CAB39: variants seen among roughly 807,000 people sequenced by gnomAD.
The protein encoded by CAB39 is calcium-binding protein 39.
In CAB39, 8 loss-of-function variants were observed where a neutral mutation model predicts 40.0. That is an observed-to-expected ratio of 0.20 (90% CI 0.12 to 0.36). The LOEUF is 0.36. Ranked by LOEUF, CAB39 falls within the 10% of genes least tolerant of loss-of-function variation. The pLI is 1.00. For synonymous variants in CAB39, 156 were observed against 141.6 expected, an observed-to-expected ratio of 1.10 and a Z score of -0.72; for missense variants, 270 against 401.1, an observed-to-expected ratio of 0.67 and a Z score of 2.79.
In CAB39 at chr2:230,814,131, T is replaced by G; in HGVS notation, c.693+17T>G. ...TCACTGAAGGTATGACAGACCATTT[T>G]GTATAGCTTATTTCTCTGTACCTTG... On this transcript the variant is annotated intron_variant, in intron 7 of 8. Transcript: ENST00000258418. 7.8e-7 allele frequency: 1 copy of G among 1,286,646 alleles called. No homozygotes were observed. Among genetic ancestry groups the G allele is most frequent in the Non-Finnish European group, 1.1e-6 (1 of 906,418 alleles). 79.7% of individuals were successfully genotyped at this position (1,286,646 alleles called of 1,614,324 possible). A position where few individuals can be genotyped will look rare whatever the true frequency, so the allele number is the denominator to read the frequency against.
intron 2 of CAB39, among the ~76,000 whole-genome samples, chr2:230,775,669 CAGT>C (rs1411245756): frequency 6.6e-6 from 1 of 151,304 alleles, no homozygotes; most frequent in East Asian, 1.9e-4. Flanking sequence ...GATGACTTAA[CAGT>C]GGTGCGCATT....
chr2:230,802,762 A>T (rs1179912941), intron 5 of CAB39, among the ~76,000 whole-genome samples: 8 of 152,252 alleles, frequency 5.3e-5, no homozygotes, highest in African/African-American at 1.9e-4. Flanking sequence ...TGAGGCAATC[A>T]TTAAAAGACT....
intron 3 of CAB39, among the ~76,000 whole-genome samples, chr2:230,791,907 C>T (rs1695898949): frequency 6.6e-6 from 1 of 152,196 alleles, no homozygotes; most frequent in Non-Finnish European, 1.5e-5. Flanking sequence ...GGCCATGCCT[C>T]TTTAACTCTT....
chr2:230,763,578 C>T (rs751483377), intron 2 of CAB39, among the ~76,000 whole-genome samples: 13 of 149,864 alleles, frequency 8.7e-5, no homozygotes, highest in East Asian at 2.0e-4. Context: ...GGGTGACAAG[C>T]GAGATTCTGT....
rs185662621 is a variant in CAB39 at position 230,772,280 on chromosome 2, A to G, written c.114+12165A>G. On this transcript the variant is annotated intron_variant, in intron 2 of 8. Coordinates refer to ENST00000258418, the MANE Select transcript of CAB39 (RefSeq NM_016289.4). ...TCATATATGCATTTCACCAAAGGAG[A>G]TAGGCAGATGTCAAATAAGCCCTTG... Among the ~76,000 whole-genome samples the G allele has an allele frequency of 5.0e-3, 768 of 152,326 alleles. 7 individuals carry two copies. The highest frequency in any genetic ancestry group is 6.7e-3 in the Non-Finnish European group (454 of 68,034).
chr2:230,714,720 A>G (rs1024871576), intron 1 of CAB39, among the ~76,000 whole-genome samples: 1 of 152,224 alleles, frequency 6.6e-6, no homozygotes, highest in Non-Finnish European at 1.5e-5. Context: ...CTTTGTTTTT[A>G]TATTTTATTT....
intron 1 of CAB39, among the ~76,000 whole-genome samples, chr2:230,724,382 T>C (rs897781936): frequency 1.3e-5 from 2 of 152,058 alleles, no homozygotes; most frequent in Admixed American, 1.3e-4. Context: ...TGCTGATACA[T>C]TGTTTAAGAC....
At chr2:230,735,950 G>T (rs1355831191) in intron 1 of CAB39, among the ~76,000 whole-genome samples, 1 of 152,146 alleles carries the variant, frequency 6.6e-6, no homozygotes, top group Admixed American at 6.5e-5. Flanking sequence ...AAAGGAGAAC[G>T]ACACCAACTA....
intron 1 of CAB39, among the ~76,000 whole-genome samples, chr2:230,728,158 A>G (rs1553666139): frequency 6.6e-6 from 1 of 152,116 alleles, no homozygotes; most frequent in Non-Finnish European, 1.5e-5. Context: ...GAATTGCTTG[A>G]ACCTGGGAAG....
intron 2 of CAB39, among the ~76,000 whole-genome samples, chr2:230,772,855 G>C (rs920843912): frequency 6.6e-6 from 1 of 151,810 alleles, no homozygotes; most frequent in Non-Finnish European, 1.5e-5. Flanking sequence ...TTACCCAAGA[G>C]AACAAGAAAT....
chr2:230,756,270 C>T (rs1695188257), intron 1 of CAB39, among the ~76,000 whole-genome samples: 1 of 152,160 alleles, frequency 6.6e-6, no homozygotes, highest in Non-Finnish European at 1.5e-5. Context: ...ACATAGTAAT[C>T]TATGTGATAT....
intron 1 of CAB39, among the ~76,000 whole-genome samples, chr2:230,722,297 A>G (rs1442482902): frequency 6.6e-6 from 1 of 152,204 alleles, no homozygotes; most frequent in Non-Finnish European, 1.5e-5. Context: ...GTGAGAATAT[A>G]CCATACAAAC....
At chr2:230,802,675 C>T (rs1205513409) in intron 5 of CAB39, among the ~76,000 whole-genome samples, 8 of 152,120 alleles carry the variant, frequency 5.3e-5, no homozygotes, top group Non-Finnish European at 1.5e-5. Context: ...GGATAAATTC[C>T]TGGACACATA....
chr2:230,807,857 C>T (rs3792069), intron 5 of CAB39, among the ~76,000 whole-genome samples: 16,441 of 152,134 alleles, frequency 0.11, 1,213 homozygotes, highest in Middle Eastern at 0.16. Flanking sequence ...GCACTCTCTT[C>T]GTGAGGTTAT....
chr2:230,751,279 A>G (rs1031347561), intron 1 of CAB39, among the ~76,000 whole-genome samples: 3 of 152,094 alleles, frequency 2.0e-5, no homozygotes, highest in African/African-American at 7.2e-5. Flanking sequence ...TCAGCTGTCT[A>G]GGAATGTGTT....
At chr2:230,788,010 T>C (rs1695823663) in intron 2 of CAB39, among the ~76,000 whole-genome samples, 1 of 152,208 alleles carries the variant, frequency 6.6e-6, no homozygotes, top group Non-Finnish European at 1.5e-5. Flanking sequence ...GTCATGTGAT[T>C]TGATAGGAAG....
At chr2:230,783,406 C>T (rs983215157) in intron 2 of CAB39, among the ~76,000 whole-genome samples, 1 of 151,308 alleles carries the variant, frequency 6.6e-6, no homozygotes, top group Non-Finnish European at 1.5e-5. Context: ...TGATTTATTT[C>T]GTTGCCCGTT....
At chr2:230,718,211 T>C (rs1452181716) in intron 1 of CAB39, among the ~76,000 whole-genome samples, 3 of 152,220 alleles carry the variant, frequency 2.0e-5, no homozygotes, top group Non-Finnish European at 4.4e-5. Context: ...CACACTTTAT[T>C]TGGTAATACA....
At chr2:230,787,562 C>T (rs1264832206) in intron 2 of CAB39, among the ~76,000 whole-genome samples, 2 of 152,196 alleles carry the variant, frequency 1.3e-5, no homozygotes, top group Non-Finnish European at 2.9e-5. Flanking sequence ...CTTTACCAAG[C>T]AGTACCTGTG....
Sources: gnomAD v4.1 joint callset for allele counts (sites outside exome capture counted in the v4.1 genomes callset) on GRCh38, gnomAD v4.1.1 for gene constraint, MANE v1.5 for transcripts, NCBI Gene and HGNC (gene_info 2026-07-23, HGNC 2026-07-21) for gene names.